The following GAREM2 variants were observed in gnomAD, a reference collection of about 807,000 sequenced individuals.
The protein encoded by GAREM2 is GRB2-associated and regulator of MAPK protein 2.
Under a neutral mutation model 55.6 loss-of-function variants are expected in GAREM2, and 30 were observed. The observed-to-expected ratio is 0.54, with a 90% CI of 0.40 to 0.73. The LOEUF is 0.73. Among genes scored for constraint, GAREM2 ranks in the 30% least tolerant of loss-of-function variants. The pLI, the probability that GAREM2 is intolerant of heterozygous loss-of-function variation, is 0.00. For missense variants in GAREM2, 1,075 were observed against 1,257.7 expected (o/e 0.85, Z 2.20); for synonymous variants, 550 against 569.1 (o/e 0.97, Z 0.48).
At chr2:26,194,720 C>G in the GAREM2 span, 10 of 903,316 alleles carry the variant, frequency 1.1e-5, no homozygotes, top group Non-Finnish European at 1.9e-5. Flanking sequence ...AGGGTCACTT[C>G]AAAGTCATTT....
In GAREM2 at chr2:26,188,305, A is replaced by AGCTCCTCC; in HGVS notation, c.*49_*50insCTCCTCCG. 1 of 1,375,732 alleles carries AGCTCCTCC rather than the reference A, an allele frequency of 7.3e-7. No homozygotes were observed. Among genetic ancestry groups the AGCTCCTCC allele is most frequent in the South Asian group, 1.6e-5 (1 of 61,836 alleles). 85.2% of individuals were successfully genotyped at this position (1,375,732 alleles called of 1,614,324 possible). A position where few individuals can be genotyped will look rare whatever the true frequency, so the allele number is the denominator to read the frequency against. ...GCTGGAATGCTGGTATGGGGGCCCC[A>AGCTCCTCC]GGTACAGCACTCCGGAGGAGCAGGT... is the stretch of plus-strand genomic sequence containing the variant. On this transcript the variant is annotated 3_prime_UTR_variant, in exon 6 of 6. Transcript: ENST00000401533.
At position 26,189,241 on chromosome 2, in the gene GAREM2, C is replaced by T. The variant is rs932658598; in HGVS notation, c.*984C>T. 17 of 152,222 alleles carry T rather than the reference C, an allele frequency of 1.1e-4. No homozygotes were observed. Among genetic ancestry groups the T allele is most frequent in the African/African-American group, 4.1e-4 (17 of 41,424 alleles). 9.4% of individuals were successfully genotyped at this position (152,222 alleles called of 1,614,324 possible). ...CAGTTGGGAGAGTGCGTTCCTGGAG[C>T]TCAGTCCTGCATTTGTTCACGTGCC... On this transcript the variant is annotated 3_prime_UTR_variant, in exon 6 of 6. Transcript: ENST00000401533.
At chr2:26,175,557 T>C (rs1469780776) in intron 1 of GAREM2, among the ~76,000 whole-genome samples, 1 of 151,830 alleles carries the variant, frequency 6.6e-6, no homozygotes, top group Non-Finnish European at 1.5e-5. Context: ...CCCCCTCTCC[T>C]TCGAGGTCCC....
At chr2:26,195,045 A>C in the GAREM2 span, 3 of 1,485,538 alleles carry the variant, frequency 2.0e-6, no homozygotes, top group South Asian at 1.1e-5. Flanking sequence ...AAGGAGTCTT[A>C]TTAGAACTTT....
Position 26,187,581 on chromosome 2 carries a change from C to G in GAREM2, c.1949C>G (p.Pro650Arg). Residue 650 changes from proline to arginine, a missense_variant, in exon 6 of 6, where the codon CCC (proline) becomes CGC (arginine). Transcript: ENST00000401533. ...CCTTCAGCGGCCTTGTCTTCTGGGC[C>G]CAGAACCACCTCGGGTCCTGTGGCT... ...SGPSAALSSG[P>R]RTTSGPVATS... The G allele has an allele frequency of 3.9e-6, 6 of 1,548,526 alleles. No individual in the cohort carries two copies. Among genetic ancestry groups the G allele is most frequent in the Non-Finnish European group, 5.2e-6 (6 of 1,145,414 alleles).
At chr2:26,175,172 G>A (rs1184553212) in intron 1 of GAREM2, among the ~76,000 whole-genome samples, 1 of 152,102 alleles carries the variant, frequency 6.6e-6, no homozygotes, top group East Asian at 1.9e-4. Flanking sequence ...CCATTTGATT[G>A]GCAGAAATTT....
intron 1 of GAREM2, 61 bp from the exon 2 acceptor site, chr2:26,176,283 C>T: frequency 2.1e-6 from 3 of 1,438,622 alleles, no homozygotes; most frequent in South Asian, 2.9e-5. Context: ...TCTGTTCTTT[C>T]TGCCCCTTCT....
intron 2 of GAREM2, among the ~76,000 whole-genome samples, chr2:26,178,066 G>C (rs1282965084): frequency 1.3e-5 from 2 of 152,192 alleles, no homozygotes; most frequent in African/African-American, 4.8e-5. Flanking sequence ...ACAGGACTGA[G>C]CCCTTTACAG....
intron 2 of GAREM2, chr2:26,180,711 G>C (rs1252070657): frequency 6.4e-6 from 1 of 156,654 alleles, no homozygotes; most frequent in Non-Finnish European, 1.4e-5. Flanking sequence ...CTGCCTTCCA[G>C]GTTCAAGCGA....
chr2:26,181,507 G>A (rs1244401597), intron 2 of GAREM2: 1 of 152,114 alleles, frequency 6.6e-6, no homozygotes, highest in African/African-American at 2.4e-5. Context: ...GCCACCATTG[G>A]GTACTCATCG....
chr2:26,194,349 C>G (rs1317895740), downstream of GAREM2, among the ~76,000 whole-genome samples: 1 of 152,078 alleles, frequency 6.6e-6, no homozygotes, highest in African/African-American at 2.4e-5. Context: ...CTTGCTGGAA[C>G]AGTGAGGAGG....
At chr2:26,195,645 A>G in the GAREM2 span, among the ~76,000 whole-genome samples, 30 of 152,212 alleles carry the variant, frequency 2.0e-4, no homozygotes, top group East Asian at 5.6e-3. Flanking sequence ...CTGTCAGAGA[A>G]GTATTTGCAT....
chr2:26,195,217 A>G, the GAREM2 span: 1 of 1,613,268 alleles, frequency 6.2e-7, no homozygotes, highest in Non-Finnish European at 8.5e-7. Context: ...GGAGAGAAGT[A>G]GTGCATGCCA....
rs1669413355 is a variant in GAREM2 at position 26,189,329 on chromosome 2, T to C, written c.*1072T>C. 6.6e-6 allele frequency: 1 copy of C among 152,186 alleles called. No homozygotes were observed. The highest frequency in any genetic ancestry group is 1.5e-5 in the Non-Finnish European group (1 of 68,040). The allele number at this position is 152,186 out of a possible 1,614,324, so 9.4% of individuals were successfully genotyped here. ...GGGATCTGCTTGGTACCCAGAGCTC[T>C]GGTCATTGTGTCCAACCACACACCC... is the stretch of plus-strand genomic sequence containing the variant. On this transcript the variant is annotated 3_prime_UTR_variant, in exon 6 of 6. Transcript: ENST00000401533.
At position 26,176,343 on chromosome 2, in the gene GAREM2, G is replaced by A. The variant is rs1455751989; in HGVS notation, c.113-1G>A. The A allele has an allele frequency of 6.5e-7, 1 of 1,538,870 alleles. No homozygotes were observed. The highest frequency in any genetic ancestry group is 1.2e-5 in the South Asian group (1 of 82,214). On this transcript the variant is annotated splice_acceptor_variant, in intron 1 of 5. Coordinates refer to ENST00000401533, the MANE Select transcript of GAREM2 (RefSeq NM_001168241.2). LOFTEE classifies it high-confidence loss of function. The stretch of plus-strand genomic sequence containing the variant: ...TCCTCTGTCCTCCTCCCCCTTCCCA[G>A]GGGAGTACGCCGAGGGCGTCAGTGA...
At chr2:26,204,185 A>G in the GAREM2 span, 1 of 1,614,104 alleles carries the variant, frequency 6.2e-7, no homozygotes, top group Non-Finnish European at 8.5e-7. Flanking sequence ...TGCACCAAGA[A>G]TAGCCAGATG....
At chr2:26,180,308 C>G (rs188617183) in intron 2 of GAREM2, among the ~76,000 whole-genome samples, 1 of 152,328 alleles carries the variant, frequency 6.6e-6, no homozygotes, top group Non-Finnish European at 1.5e-5. Flanking sequence ...CAGCACTGAA[C>G]ACACAATTGT....
chr2:26,187,207 G>T, intron 5 of GAREM2, 24 bp from the exon 6 acceptor site: 1 of 1,439,948 alleles, frequency 6.9e-7, no homozygotes, highest in East Asian at 2.5e-5. Context: ...TGTCCTATGT[G>T]TGTGTGTCTG....
In GAREM2 at chr2:26,183,117, G is replaced by C. The variant is rs1363930232; in HGVS notation, c.384+20G>C. The C allele has an allele frequency of 4.5e-6, 7 of 1,550,798 alleles. No individual in the cohort carries two copies. The highest frequency in any genetic ancestry group is 6.1e-6 in the Non-Finnish European group (7 of 1,146,560). On this transcript the variant is annotated intron_variant, in intron 3 of 5. Transcript: ENST00000401533. ...GTCAAGGTCAGTCACTCCCTCACCAGGTGTGGTGTCCCCACACTACTCCTT... is the reference window on the plus strand; with the variant it reads ...GTCAAGGTCAGTCACTCCCTCACCACGTGTGGTGTCCCCACACTACTCCTT...
Sources: gnomAD v4.1 joint callset for allele counts (sites outside exome capture counted in the v4.1 genomes callset) on GRCh38, gnomAD v4.1.1 for gene constraint, MANE v1.5 for transcripts, NCBI Gene and HGNC (gene_info 2026-07-23, HGNC 2026-07-21) for gene names.